The following FMN2 variants were observed in gnomAD, a reference collection of about 807,000 sequenced individuals.
FMN2 encodes the protein formin 2.
A neutral mutation model predicts 142.3 loss-of-function variants in FMN2; 51 were observed. That is an observed-to-expected ratio of 0.36 (90% CI 0.29 to 0.45). The LOEUF is 0.45. FMN2 is among the 20% of genes least tolerant of loss of function. FMN2 has a pLI of 1.00. For missense variants in FMN2, 1,936 were observed against 2,122.8 expected, an observed-to-expected ratio of 0.91 and a Z score of 1.73; for synonymous variants, 882 against 869.8, an observed-to-expected ratio of 1.01 and a Z score of -0.25.
chr1:240,168,813 C>T (rs1305171903), intron 2 of FMN2, among the ~76,000 whole-genome samples: 5 of 152,102 alleles, frequency 3.3e-5, no homozygotes, highest in Non-Finnish European at 7.3e-5. Flanking sequence ...AATCTCCAAA[C>T]ATGTGGCAGG....
chr1:240,113,481 C>G (rs376368990), intron 1 of FMN2, among the ~76,000 whole-genome samples: 2 of 134,584 alleles, frequency 1.5e-5, no homozygotes, highest in South Asian at 4.8e-4. Context: ...TCGCTTGAAC[C>G]GGGGAGGCAG....
At position 240,144,629 on chromosome 1, in the gene FMN2, C is replaced by T. The variant is rs113186805; in HGVS notation, c.1782+21284C>T. The T allele has an allele frequency of 1.7e-3, 2,151 of 1,290,012 alleles. 33 individuals carry two copies. In the African/African-American group the frequency reaches 0.028, roughly 17 times the overall value. The allele number at this position is 1,290,012 out of a possible 1,614,324, so 79.9% of individuals were successfully genotyped here. ...CTTTCAGAACACACCCAGGGCACAA[C>T]GCAGTAGGACTGAGTTCTCAGGCTC... On this transcript the variant is annotated intron_variant, in intron 2 of 17. Coordinates refer to ENST00000319653, the MANE Select transcript of FMN2 (RefSeq NM_020066.5).
intron 2 of FMN2, among the ~76,000 whole-genome samples, chr1:240,168,861 A>C (rs10802845): frequency 0.32 from 49,104 of 151,896 alleles, 8,786 homozygotes; most frequent in African/African-American, 0.49. Context: ...TTTAAATAAC[A>C]AAAATGAAAA....
intron 8 of FMN2, among the ~76,000 whole-genome samples, chr1:240,303,617 G>C (rs1484349504): frequency 6.6e-6 from 1 of 152,060 alleles, no homozygotes; most frequent in Non-Finnish European, 1.5e-5. Flanking sequence ...TCAAAAGTTT[G>C]TTTATAATGT....
At chr1:240,133,217 G>A (rs1159236138) in intron 2 of FMN2, among the ~76,000 whole-genome samples, 1 of 152,160 alleles carries the variant, frequency 6.6e-6, no homozygotes, top group Non-Finnish European at 1.5e-5. Flanking sequence ...CCAGGCTGGT[G>A]TGCAGTTGGG....
intron 2 of FMN2, among the ~76,000 whole-genome samples, chr1:240,153,424 G>A (rs1056782985): frequency 1.1e-4 from 15 of 134,282 alleles, no homozygotes; most frequent in Non-Finnish European, 2.0e-4. Flanking sequence ...GCAGTTGTAC[G>A]ATCATAGCTC....
chr1:240,278,317 A>T (rs1433575463), intron 7 of FMN2, among the ~76,000 whole-genome samples: 1 of 152,150 alleles, frequency 6.6e-6, no homozygotes, highest in African/African-American at 2.4e-5. Flanking sequence ...TGTCACAAAG[A>T]CATGACGTGA....
At chr1:240,194,639 G>GGCCC (rs1665845026) in intron 4 of FMN2, among the ~76,000 whole-genome samples, 1 of 152,192 alleles carries the variant, frequency 6.6e-6, no homozygotes, top group Non-Finnish European at 1.5e-5. Context: ...CTAGGAAAGA[G>GGCCC]GCCCCATCCT....
intron 2 of FMN2, among the ~76,000 whole-genome samples, chr1:240,141,400 G>A (rs1388976655): frequency 6.6e-6 from 1 of 152,112 alleles, no homozygotes; most frequent in East Asian, 1.9e-4. Flanking sequence ...CATCCAGTTT[G>A]GAGTGCAATG....
chr1:240,226,585 A>C (rs1667308994), intron 6 of FMN2, among the ~76,000 whole-genome samples: 1 of 152,212 alleles, frequency 6.6e-6, no homozygotes, highest in East Asian at 1.9e-4. Context: ...ACATATACAA[A>C]AACAAGGAGC....
intron 14 of FMN2, among the ~76,000 whole-genome samples, chr1:240,373,864 T>C (rs1028932141): frequency 6.6e-6 from 1 of 152,234 alleles, no homozygotes; most frequent in Non-Finnish European, 1.5e-5. Context: ...TCCTTTTAGA[T>C]AGTTTTCAAT....
intron 8 of FMN2, among the ~76,000 whole-genome samples, chr1:240,303,262 T>G (rs1318770358): frequency 2.0e-5 from 3 of 152,208 alleles, no homozygotes; most frequent in Non-Finnish European, 4.4e-5. Context: ...CATCTGTATT[T>G]CTTCATACAG....
intron 2 of FMN2, among the ~76,000 whole-genome samples, chr1:240,162,890 C>T (rs929467261): frequency 6.6e-6 from 1 of 152,102 alleles, no homozygotes; most frequent in Non-Finnish European, 1.5e-5. Context: ...TTTAAACCTA[C>T]AGATTTCTCT....
At chr1:240,382,708 T>G (rs111837822) in intron 14 of FMN2, among the ~76,000 whole-genome samples, 2 of 151,930 alleles carry the variant, frequency 1.3e-5, no homozygotes, top group African/African-American at 4.8e-5. Flanking sequence ...TCTACAAAAT[T>G]GCAGAAGTGC....
At chr1:240,395,848 G>A (rs1406180878) in intron 15 of FMN2, among the ~76,000 whole-genome samples, 2 of 152,192 alleles carry the variant, frequency 1.3e-5, no homozygotes, top group African/African-American at 4.8e-5. Context: ...CATCAACTTA[G>A]TTGACAAAGC....
At chr1:240,237,211 A>G (rs1411916028) in intron 6 of FMN2, among the ~76,000 whole-genome samples, 1 of 152,196 alleles carries the variant, frequency 6.6e-6, no homozygotes, top group Non-Finnish European at 1.5e-5. Flanking sequence ...AGTTTGTTTG[A>G]TTGCTGACTG....
chr1:240,113,971 GTTT>G (rs1283073171), intron 1 of FMN2, among the ~76,000 whole-genome samples: 1 of 152,264 alleles, frequency 6.6e-6, no homozygotes, highest in East Asian at 1.9e-4. Context: ...GTAAGTAAAT[GTTT>G]TTAATAGTGT....
rs76364605 is a variant in FMN2 at position 240,135,930 on chromosome 1, C to T, written c.1782+12585C>T. 8.6e-3 allele frequency among the ~76,000 whole-genome samples: 1,308 copies of T among 151,680 alleles called. 15 individuals carry two copies. Among genetic ancestry groups the T allele is most frequent in the Admixed American group, 0.037 (558 of 15,232 alleles). On this transcript the variant is annotated intron_variant, in intron 2 of 17. Coordinates refer to ENST00000319653, the MANE Select transcript of FMN2 (RefSeq NM_020066.5). Reference sequence around the variant, plus strand: ...CTGACCTTAGGTGATCTGCCCACCCCGGCCTCCCAAAGTGCTGGGATTACA... The same window carrying T: ...CTGACCTTAGGTGATCTGCCCACCCTGGCCTCCCAAAGTGCTGGGATTACA...
chr1:240,276,238 G>T (rs1179951596), intron 7 of FMN2, among the ~76,000 whole-genome samples: 2 of 152,184 alleles, frequency 1.3e-5, no homozygotes, highest in African/African-American at 4.8e-5. Flanking sequence ...ATGTTCAGCT[G>T]TTCAGGACAC....
Sources: gnomAD v4.1 joint callset for allele counts (sites outside exome capture counted in the v4.1 genomes callset) on GRCh38, gnomAD v4.1.1 for gene constraint, MANE v1.5 for transcripts, NCBI Gene and HGNC (gene_info 2026-07-23, HGNC 2026-07-21) for gene names.